Variants in RSRC1 observed in about 807,000 individuals in gnomAD.
RSRC1 encodes the protein arginine and serine rich coiled-coil 1, also known as serine/Arginine-related protein 53.
RSRC1 carries 39 observed loss-of-function variants against 49.1 expected under a neutral mutation model. The ratio of observed to expected loss-of-function variants is 0.79; its 90% CI spans 0.61 to 1.04. The LOEUF is 1.04. RSRC1 is among the 50% of genes least tolerant of loss of function. The probability of loss-of-function intolerance (pLI) is 0.00; values close to 1 mark genes in which losing one functional copy is unlikely to be tolerated. For synonymous variants in RSRC1, 143 were observed against 130.8 expected, an observed-to-expected ratio of 1.09 and a Z score of -0.63; for missense variants, 388 against 402.4, an observed-to-expected ratio of 0.96 and a Z score of 0.31.
intron 5 of RSRC1, among the ~76,000 whole-genome samples, chr3:158,336,260 C>T (rs1344479316): frequency 2.0e-5 from 3 of 152,214 alleles, no homozygotes; most frequent in Admixed American, 6.5e-5. Context: ...CGGCCCCTGG[C>T]TGCCTTTCTT....
At position 158,172,557 on chromosome 3, in the gene RSRC1, G is replaced by A. The variant is rs909197049; in HGVS notation, c.321-30515G>A. On this transcript the variant is annotated intron_variant, in intron 3 of 9. Transcript: ENST00000611884. ...CACATCTCTCCTCCAAACTTATGCAGTTATCCTGACAATTGATTTAGTTGA... is the reference window on the plus strand; with the variant it reads ...CACATCTCTCCTCCAAACTTATGCAATTATCCTGACAATTGATTTAGTTGA... Among the ~76,000 whole-genome samples the A allele has an allele frequency of 7.2e-5, 11 of 152,212 alleles. No homozygotes were observed. In the South Asian group the frequency reaches 2.3e-3, roughly 32 times the overall value.
chr3:158,404,788 A>G (rs1734071155), intron 6 of RSRC1, among the ~76,000 whole-genome samples: 1 of 152,008 alleles, frequency 6.6e-6, no homozygotes, highest in Non-Finnish European at 1.5e-5. Context: ...TTATTCTTCA[A>G]TAACACATGA....
intron 7 of RSRC1, among the ~76,000 whole-genome samples, chr3:158,514,496 T>A (rs1740384058): frequency 6.6e-6 from 1 of 152,190 alleles, no homozygotes; most frequent in South Asian, 2.1e-4. Flanking sequence ...TTGTTATAAT[T>A]TCTGGTCTTT....
At chr3:158,149,197 T>C (rs867542465) in intron 3 of RSRC1, among the ~76,000 whole-genome samples, 72 of 152,374 alleles carry the variant, frequency 4.7e-4, no homozygotes, top group African/African-American at 1.6e-3. Context: ...TACTCTTAAG[T>C]GTTTATAGTT....
At chr3:158,180,950 G>A (rs568329133) in intron 3 of RSRC1, among the ~76,000 whole-genome samples, 3 of 151,642 alleles carry the variant, frequency 2.0e-5, no homozygotes, top group Non-Finnish European at 4.4e-5. Flanking sequence ...GATTTCAGGC[G>A]CCCACCACCA....
At chr3:158,503,638 C>T (rs1368484943) in intron 7 of RSRC1, among the ~76,000 whole-genome samples, 1 of 152,084 alleles carries the variant, frequency 6.6e-6, no homozygotes, top group Non-Finnish European at 1.5e-5. Context: ...GCTGCCTCTG[C>T]TGAGTCATGC....
intron 3 of RSRC1, among the ~76,000 whole-genome samples, chr3:158,135,253 A>C (rs551653741): frequency 1.4e-5 from 2 of 147,580 alleles, no homozygotes; most frequent in Non-Finnish European, 3.0e-5. Flanking sequence ...AGAAGTAGTC[A>C]TTTCCAAATT....
intron 3 of RSRC1, among the ~76,000 whole-genome samples, chr3:158,171,189 C>T (rs1399684745): frequency 1.3e-5 from 2 of 152,154 alleles, no homozygotes; most frequent in Admixed American, 1.3e-4. Context: ...CTACAACCCA[C>T]AGAATGTGAG....
At chr3:158,151,598 T>C (rs1717538917) in intron 3 of RSRC1, among the ~76,000 whole-genome samples, 1 of 152,168 alleles carries the variant, frequency 6.6e-6, no homozygotes, top group Non-Finnish European at 1.5e-5. Context: ...CAAGTACATA[T>C]GTCCTGAATG....
intron 3 of RSRC1, among the ~76,000 whole-genome samples, chr3:158,186,299 G>C (rs894337889): frequency 1.3e-5 from 2 of 151,810 alleles, no homozygotes; most frequent in Non-Finnish European, 2.9e-5. Context: ...AATACATATG[G>C]CCCTTGTGAA....
At chr3:158,418,082 A>G (rs1734842275) in intron 6 of RSRC1, among the ~76,000 whole-genome samples, 1 of 151,998 alleles carries the variant, frequency 6.6e-6, no homozygotes, top group African/African-American at 2.4e-5. Context: ...AAAAGTGGTA[A>G]ACACACAAGT....
At chr3:158,211,877 A>G (rs1721698255) in intron 4 of RSRC1, among the ~76,000 whole-genome samples, 2 of 151,934 alleles carry the variant, frequency 1.3e-5, no homozygotes, top group Admixed American at 1.3e-4. Context: ...TGTGATTACC[A>G]GTTTCTCAAC....
chr3:158,498,861 T>C (rs574293423), intron 7 of RSRC1, among the ~76,000 whole-genome samples: 199 of 152,326 alleles, frequency 1.3e-3, no homozygotes, highest in African/African-American at 4.7e-3. Flanking sequence ...GTTTGCTTTG[T>C]CGAAGATCAG....
intron 5 of RSRC1, among the ~76,000 whole-genome samples, chr3:158,354,648 A>G (rs991408613): frequency 1.3e-5 from 2 of 152,176 alleles, no homozygotes; most frequent in African/African-American, 2.4e-5. Flanking sequence ...AGTAAGCAAA[A>G]CTTTTTCTAG....
chr3:158,369,734 A>G (rs1212247397), intron 6 of RSRC1, among the ~76,000 whole-genome samples: 1 of 151,994 alleles, frequency 6.6e-6, no homozygotes, highest in Non-Finnish European at 1.5e-5. Context: ...TTGTCTTGTC[A>G]TCCCAAAAAA....
chr3:158,114,899 A>G (rs1036014090), intron 1 of RSRC1, among the ~76,000 whole-genome samples: 1 of 152,112 alleles, frequency 6.6e-6, no homozygotes, highest in African/African-American at 2.4e-5. Context: ...TAAGCTTTTG[A>G]GCTGAGATGA....
At chr3:158,280,995 G>A (rs532229541) in intron 4 of RSRC1, among the ~76,000 whole-genome samples, 1 of 152,196 alleles carries the variant, frequency 6.6e-6, no homozygotes, top group South Asian at 2.1e-4. Context: ...TGCAACAGGT[G>A]GATGAGAGTG....
chr3:158,225,663 C>T, intron 4 of RSRC1: 1 of 450,444 alleles, frequency 2.2e-6, no homozygotes, highest in South Asian at 1.6e-5. Context: ...ACAGATTTCA[C>T]CAAAAGAATT....
intron 4 of RSRC1, among the ~76,000 whole-genome samples, chr3:158,293,287 T>C (rs1043552325): frequency 9.9e-5 from 15 of 152,112 alleles, no homozygotes; most frequent in African/African-American, 3.4e-4. Flanking sequence ...TATACATACA[T>C]ACATATGTGT....
Sources: gnomAD v4.1 joint callset for allele counts (sites outside exome capture counted in the v4.1 genomes callset) on GRCh38, gnomAD v4.1.1 for gene constraint, MANE v1.5 for transcripts, NCBI Gene and HGNC (gene_info 2026-07-23, HGNC 2026-07-21) for gene names.